SLCO3A1: variants seen among roughly 807,000 people sequenced by gnomAD.
SLCO3A1 encodes PGE1 transporter.
SLCO3A1 carries 27 observed loss-of-function variants against 63.1 expected under a neutral mutation model. The observed-to-expected ratio is 0.43, with a 90% CI of 0.32 to 0.59. The LOEUF (loss-of-function observed/expected upper bound fraction) is 0.59, where lower values mean the gene tolerates loss of function less well. Among genes scored for constraint, SLCO3A1 ranks in the 20% least tolerant of loss-of-function variants. The pLI is 0.09. For synonymous variants in SLCO3A1, 473 were observed against 409.9 expected (o/e 1.15, Z -1.86); for missense variants, 773 against 945.8 (o/e 0.82, Z 2.40).
chr15:92,127,918 A>G (rs1004410631), intron 6 of SLCO3A1, among the ~76,000 whole-genome samples: 1 of 152,198 alleles, frequency 6.6e-6, no homozygotes, highest in Non-Finnish European at 1.5e-5. Flanking sequence ...TGGTGCAGGC[A>G]TAGCAGTGTT....
At chr15:92,008,305 A>G (rs1462816161) in intron 2 of SLCO3A1, among the ~76,000 whole-genome samples, 1 of 152,182 alleles carries the variant, frequency 6.6e-6, no homozygotes, top group Non-Finnish European at 1.5e-5. Flanking sequence ...GGTAACACAG[A>G]CTGGGGTTCG....
At chr15:92,061,175 G>A (rs933812675) in intron 2 of SLCO3A1, among the ~76,000 whole-genome samples, 2 of 152,198 alleles carry the variant, frequency 1.3e-5, no homozygotes, top group South Asian at 4.1e-4. Context: ...CTGGGGTCTG[G>A]TATACATAGG....
At position 91,865,081 on chromosome 15, in the gene SLCO3A1, T is replaced by C. The variant is rs1897133550; in HGVS notation, c.180+10993T>C. 6.6e-6 allele frequency among the ~76,000 whole-genome samples: 1 copy of C among 152,240 alleles called. No homozygotes were observed. Among genetic ancestry groups the C allele is most frequent in the Admixed American group, 6.5e-5 (1 of 15,288 alleles). ...CCCGCTGTCCCTATCCAGTGGATAA[T>C]GGAGCTGAGCGTGGTCTCTTACAAG... On this transcript the variant is annotated intron_variant, in intron 1 of 9. Coordinates refer to ENST00000318445, the MANE Select transcript of SLCO3A1 (RefSeq NM_013272.4). This position sits in a 1 kb window ranked among gnomAD's most constrained non-coding sequence, Gnocchi z 4.6.
At chr15:92,105,003 A>G (rs1454483319) in intron 4 of SLCO3A1, among the ~76,000 whole-genome samples, 1 of 151,412 alleles carries the variant, frequency 6.6e-6, no homozygotes, top group African/African-American at 2.4e-5. Context: ...CGGTGTAATC[A>G]CATCTGTAAT....
At chr15:91,895,537 GA>G (rs1414505253) in intron 1 of SLCO3A1, among the ~76,000 whole-genome samples, 1 of 152,200 alleles carries the variant, frequency 6.6e-6, no homozygotes, top group East Asian at 1.9e-4. Flanking sequence ...ACTTCATATG[GA>G]AGCTTTTTGT....
rs962667143 is a variant in SLCO3A1, at chr15:91,950,852, C to T, written c.646+34394C>T. Among the ~76,000 whole-genome samples, 3 of 152,008 alleles carry T rather than the reference C, an allele frequency of 2.0e-5. No homozygotes were observed. Among genetic ancestry groups the T allele is most frequent in the African/African-American group, 7.3e-5 (3 of 41,344 alleles). ...GACAGAGACTTCTTGGGAACCACAGCCAGGGAGCCACCCTTTACTCCACCA... is the reference window on the plus strand; with the variant it reads ...GACAGAGACTTCTTGGGAACCACAGTCAGGGAGCCACCCTTTACTCCACCA... On this transcript the variant is annotated intron_variant, in intron 2 of 9. Coordinates refer to ENST00000318445, the MANE Select transcript of SLCO3A1 (RefSeq NM_013272.4). The surrounding 1 kb of genome is among the most constrained non-coding windows in gnomAD (Gnocchi z 4.4).
chr15:91,996,946 A>G (rs1382740659), intron 2 of SLCO3A1, among the ~76,000 whole-genome samples: 1 of 152,224 alleles, frequency 6.6e-6, no homozygotes, highest in African/African-American at 2.4e-5. Context: ...GGATTGCATT[A>G]AAATTATAAA....
At chr15:92,036,230 T>A (rs1047532630) in intron 2 of SLCO3A1, among the ~76,000 whole-genome samples, 8 of 152,228 alleles carry the variant, frequency 5.3e-5, no homozygotes, top group African/African-American at 1.9e-4. Flanking sequence ...TTCTGATTTT[T>A]AAAGCCAATC....
intron 9 of SLCO3A1, among the ~76,000 whole-genome samples, chr15:92,159,897 C>T (rs2048416088): frequency 6.6e-6 from 1 of 152,040 alleles, no homozygotes; most frequent in Non-Finnish European, 1.5e-5. Context: ...CAATTATTAA[C>T]GAATTTGGTT....
At chr15:92,038,709 A>G (rs2046757913) in intron 2 of SLCO3A1, among the ~76,000 whole-genome samples, 1 of 152,248 alleles carries the variant, frequency 6.6e-6, no homozygotes, top group African/African-American at 2.4e-5. Context: ...TGCTATTCCC[A>G]TCAAACTACC....
intron 1 of SLCO3A1, among the ~76,000 whole-genome samples, chr15:91,866,267 A>G (rs1006759022): frequency 2.6e-5 from 4 of 152,142 alleles, no homozygotes; most frequent in Non-Finnish European, 5.9e-5. Context: ...GTGTTTGTGT[A>G]TTTACTGTGT....
In SLCO3A1 at chr15:91,860,418, T is replaced by C. The variant is rs976161967; in HGVS notation, c.180+6330T>C. On this transcript the variant is annotated intron_variant, in intron 1 of 9. Transcript: ENST00000318445. The surrounding 1 kb of genome is among the most constrained non-coding windows in gnomAD (Gnocchi z 5.5). ...CAGATGGTTGTGAGGTTTAAACAAA[T>C]AGTCATGTGATAGAGTACTTCTCAT... Among the ~76,000 whole-genome samples the C allele has an allele frequency of 3.9e-5, 6 of 152,192 alleles. No individual in the cohort carries two copies. Among genetic ancestry groups the C allele is most frequent in the Non-Finnish European group, 8.8e-5 (6 of 68,028 alleles).
rs975696405 is a variant in SLCO3A1, at chr15:91,916,771, T to G, written c.646+313T>G. The stretch of plus-strand genomic sequence containing the variant: ...TCTTTTTGAGTGCGTATGTGGACTT[T>G]GGGCTTTCTGATATTAGCCACCAAG... On this transcript the variant is annotated intron_variant, in intron 2 of 9. Coordinates refer to ENST00000318445, the MANE Select transcript of SLCO3A1 (RefSeq NM_013272.4). This position sits in a 1 kb window ranked among gnomAD's most constrained non-coding sequence, Gnocchi z 6.2. 3.3e-5 allele frequency among the ~76,000 whole-genome samples: 5 copies of G among 152,298 alleles called. No homozygotes were observed. Among genetic ancestry groups the G allele is most frequent in the Non-Finnish European group, 5.9e-5 (4 of 68,026 alleles).
At chr15:92,022,124 T>C (rs2046516816) in intron 2 of SLCO3A1, among the ~76,000 whole-genome samples, 1 of 152,200 alleles carries the variant, frequency 6.6e-6, no homozygotes, top group African/African-American at 2.4e-5. Flanking sequence ...AGATAAAACA[T>C]CAGTAATATT....
intron 2 of SLCO3A1, among the ~76,000 whole-genome samples, chr15:92,066,444 C>G (rs1411979162): frequency 6.6e-6 from 1 of 152,176 alleles, no homozygotes; most frequent in Non-Finnish European, 1.5e-5. Flanking sequence ...GAACAAACAG[C>G]CACAATTTCA....
rs1370560561 is a variant in SLCO3A1, at chr15:92,104,294, C to A, written c.761C>A (p.Thr254Asn). Residue 254 changes from threonine to asparagine, a missense_variant, in exon 4 of 10, where the codon ACT (threonine) becomes AAT (asparagine). Physicochemically the swap from Thr to Asn is moderately conservative, Grantham distance 65. Transcript: ENST00000318445. ...VFIDTSNLDITPDDPRWIGAW... is the reference protein window; with the variant it reads ...VFIDTSNLDINPDDPRWIGAW... ...CCATTTACAGGTAACCTGGACATCACTCCGGACGACCCCCGCTGGATCGGA... is the reference window on the plus strand; with the variant it reads ...CCATTTACAGGTAACCTGGACATCAATCCGGACGACCCCCGCTGGATCGGA... 1 of 1,614,018 alleles carries A rather than the reference C, an allele frequency of 6.2e-7. No individual in the cohort carries two copies. Among genetic ancestry groups the A allele is most frequent in the Non-Finnish European group, 8.5e-7 (1 of 1,180,038 alleles).
chr15:91,924,646 A>G (rs1452226947), intron 2 of SLCO3A1, among the ~76,000 whole-genome samples: 2 of 152,236 alleles, frequency 1.3e-5, no homozygotes, highest in Admixed American at 1.3e-4. Context: ...GGAAGAGGAC[A>G]GGGGATCTTG....
intron 2 of SLCO3A1, among the ~76,000 whole-genome samples, chr15:91,922,907 C>G (rs983490777): frequency 2.6e-5 from 4 of 152,196 alleles, no homozygotes; most frequent in Non-Finnish European, 5.9e-5. Context: ...GTGGCTCTTA[C>G]CTGGTGCTTC....
At chr15:91,861,615 G>A (rs1181385016) in intron 1 of SLCO3A1, among the ~76,000 whole-genome samples, 1 of 152,028 alleles carries the variant, frequency 6.6e-6, no homozygotes, top group Non-Finnish European at 1.5e-5. Context: ...AGTAACATAG[G>A]CTGCCATAAG....
Sources: gnomAD v4.1 joint callset for allele counts (sites outside exome capture counted in the v4.1 genomes callset) on GRCh38, gnomAD v4.1.1 for gene constraint, Gnocchi (gnomAD v3.1) non-coding constraint, MANE v1.5 for transcripts, NCBI Gene and HGNC (gene_info 2026-07-23, HGNC 2026-07-21) for gene names.